The following ELAVL2 variants were observed in gnomAD, a reference collection of about 807,000 sequenced individuals.
The protein encoded by ELAVL2 is ELAV like RNA binding protein 2.
A neutral mutation model predicts 34.6 loss-of-function variants in ELAVL2; 4 were observed. That is an observed-to-expected ratio of 0.12 (90% confidence interval 0.06 to 0.26). ELAVL2 has a LOEUF of 0.26. Ranked by LOEUF, ELAVL2 falls within the 10% of genes least tolerant of loss-of-function variation. ELAVL2 has a pLI of 1.00. For missense variants in ELAVL2, 432 were observed against 442.8 expected, an observed-to-expected ratio of 0.98 and a Z score of 0.22; for synonymous variants, 193 against 154.8, an observed-to-expected ratio of 1.25 and a Z score of -1.83.
At chr9:23,694,189 A>G (rs1419163019) in intron 5 of ELAVL2, among the ~76,000 whole-genome samples, 1 of 151,978 alleles carries the variant, frequency 6.6e-6, no homozygotes, top group Non-Finnish European at 1.5e-5. Flanking sequence ...TATTCAAATT[A>G]CGCTACAGGA....
At chr9:23,787,558 T>C (rs774082877) in intron 1 of ELAVL2, among the ~76,000 whole-genome samples, 6 of 146,904 alleles carry the variant, frequency 4.1e-5, no homozygotes, top group African/African-American at 1.0e-4. Context: ...AATGAGGAAA[T>C]AGGCTTAAAA....
chr9:23,722,461 C>T (rs906227627), intron 3 of ELAVL2, among the ~76,000 whole-genome samples: 1 of 152,186 alleles, frequency 6.6e-6, no homozygotes, highest in Non-Finnish European at 1.5e-5. Context: ...GTCTCAAGTG[C>T]TCACTCTGCA....
chr9:23,754,876 T>G (rs1415401467), intron 2 of ELAVL2, among the ~76,000 whole-genome samples: 1 of 152,222 alleles, frequency 6.6e-6, no homozygotes, highest in African/African-American at 2.4e-5. Flanking sequence ...CATGGGAAGA[T>G]GTCTCTCTGT....
intron 1 of ELAVL2, among the ~76,000 whole-genome samples, chr9:23,775,149 G>A (rs1471698183): frequency 2.0e-5 from 3 of 152,148 alleles, no homozygotes; most frequent in African/African-American, 2.4e-5. Context: ...AGAATCCAAC[G>A]AATCCTACAA....
chr9:23,832,865 A>G, the ELAVL2 span, among the ~76,000 whole-genome samples: 1 of 152,132 alleles, frequency 6.6e-6, no homozygotes, highest in African/African-American at 2.4e-5. Flanking sequence ...AAGTGAGAAA[A>G]ATTTTAACAT....
At chr9:23,786,802 A>AAAAAAAAAAAAAAAC (rs1554747169) in intron 1 of ELAVL2, among the ~76,000 whole-genome samples, 17 of 127,330 alleles carry the variant, frequency 1.3e-4, no homozygotes, top group East Asian at 4.8e-4. Context: ...AAAAAAAAAA[A>AAAAAAAAAAAAAAAC]AGAGAGAGAG....
chr9:23,742,280 C>T (rs537958620), intron 2 of ELAVL2, among the ~76,000 whole-genome samples: 10 of 152,260 alleles, frequency 6.6e-5, no homozygotes, highest in Admixed American at 4.6e-4. Context: ...CTTTCTGCCC[C>T]CCGACCAAGC....
At chr9:23,745,586 G>A (rs577719568) in intron 2 of ELAVL2, among the ~76,000 whole-genome samples, 2 of 152,114 alleles carry the variant, frequency 1.3e-5, no homozygotes, top group Non-Finnish European at 2.9e-5. Flanking sequence ...AACTAGACTT[G>A]CATCTTTTCA....
intron 2 of ELAVL2, among the ~76,000 whole-genome samples, chr9:23,746,287 C>T (rs2050461640): frequency 6.6e-6 from 1 of 151,988 alleles, no homozygotes; most frequent in African/African-American, 2.4e-5. Flanking sequence ...CAAATTGAGA[C>T]CAATACAAAA....
rs1352907654 is a variant in ELAVL2 at position 23,823,668 on chromosome 9, A to T, written c.-16+2138T>A. 2.6e-5 allele frequency among the ~76,000 whole-genome samples: 4 copies of T among 152,246 alleles called. No homozygotes were observed. In the South Asian group the frequency reaches 8.3e-4, roughly 31 times the overall value. On this transcript the variant is annotated intron_variant, in intron 1 of 6. Transcript: ENST00000397312. ...GGGCTTATCTGTTCATAGTCTGACA[A>T]ATCTTTCAGATGTCCCATTTAAGAA...
chr9:23,807,707 A>G (rs1425606098), intron 1 of ELAVL2, among the ~76,000 whole-genome samples: 1 of 152,194 alleles, frequency 6.6e-6, no homozygotes, highest in East Asian at 1.9e-4. Context: ...CAATGACAAA[A>G]CACAACTGTG....
At chr9:23,838,010 T>C in the ELAVL2 span, among the ~76,000 whole-genome samples, 9 of 152,172 alleles carry the variant, frequency 5.9e-5, no homozygotes, top group African/African-American at 2.2e-4. Flanking sequence ...ATTTAGCTTT[T>C]ACATATTTTA....
chr9:23,730,729 T>A (rs1192863398), intron 3 of ELAVL2, among the ~76,000 whole-genome samples: 3 of 152,058 alleles, frequency 2.0e-5, no homozygotes, highest in Non-Finnish European at 4.4e-5. Flanking sequence ...TTTCCTCAAG[T>A]TATAGGGCAA....
the ELAVL2 span, among the ~76,000 whole-genome samples, chr9:23,834,218 T>C: frequency 6.6e-6 from 1 of 152,048 alleles, no homozygotes; most frequent in Non-Finnish European, 1.5e-5. Flanking sequence ...GTTTATGTTG[T>C]TGTTATTGTT....
chr9:23,819,408 T>C (rs371403002), intron 1 of ELAVL2, among the ~76,000 whole-genome samples: 31 of 152,230 alleles, frequency 2.0e-4, no homozygotes, highest in East Asian at 1.7e-3. Context: ...AAAGGTTCCA[T>C]AGTAACCTTT....
intron 1 of ELAVL2, among the ~76,000 whole-genome samples, chr9:23,804,842 A>G (rs1222820555): frequency 6.6e-6 from 1 of 152,316 alleles, no homozygotes; most frequent in Middle Eastern, 3.4e-3. Flanking sequence ...CTAAGACTTT[A>G]GACAATACAT....
chr9:23,754,008 A>T (rs2052862134), intron 2 of ELAVL2, among the ~76,000 whole-genome samples: 1 of 152,192 alleles, frequency 6.6e-6, no homozygotes, highest in Admixed American at 6.5e-5. Context: ...AGTTCCTCTG[A>T]TAAGGGCTAG....
chr9:23,786,552 T>C (rs139139449), intron 1 of ELAVL2, among the ~76,000 whole-genome samples: 88 of 152,140 alleles, frequency 5.8e-4, no homozygotes, highest in Middle Eastern at 6.8e-3. Context: ...CTATTAAAAA[T>C]AGAAAGACAG....
chr9:23,793,515 TA>T (rs2060560513), intron 1 of ELAVL2, among the ~76,000 whole-genome samples: 1 of 152,142 alleles, frequency 6.6e-6, no homozygotes, highest in Non-Finnish European at 1.5e-5. Context: ...AGCTATCACC[TA>T]AATCCCAGCA....
Sources: allele counts gnomAD v4.1 joint callset (sites outside exome capture counted in the v4.1 genomes callset), GRCh38; gene constraint gnomAD v4.1.1; transcripts MANE v1.5; gene names NCBI Gene and HGNC (gene_info 2026-07-23, HGNC 2026-07-21).